SLA: variants seen among roughly 807,000 people sequenced by gnomAD.
SLA encodes the protein Src like adaptor.
A neutral mutation model predicts 30.3 loss-of-function variants in SLA; 16 were observed. The observed-to-expected ratio is 0.53, with a 90% CI of 0.36 to 0.80. The LOEUF (loss-of-function observed/expected upper bound fraction) is 0.80. Among genes scored for constraint, SLA ranks in the 30% least tolerant of loss-of-function variants. The pLI is 0.01. For missense variants in SLA, 310 were observed against 345.2 expected (o/e 0.90, Z 0.81); for synonymous variants, 143 against 137.8 (o/e 1.04, Z -0.26).
In SLA at chr8:133,038,725, G is replaced by A. The variant is rs1837558731; in HGVS notation, c.630C>T (p.Asp210=). Residue 210 remains aspartate (D), a synonymous_variant, in exon 9 of 9, where the codon GAC becomes GAT. Coordinates refer to ENST00000338087, the MANE Select transcript of SLA (RefSeq NM_001045556.3). The part of the protein sequence containing the change: ...DWRRVSRLQE[D]PEGTENPLGV... ...CAAGCGGGTTCTCTGTTCCCTCGGG[G>A]TCCTCCTGCAGTCTGTGGGCCAGAA... 2 of 1,613,556 alleles carry A rather than the reference G, an allele frequency of 1.2e-6. No individual in the cohort carries two copies. The highest frequency in any genetic ancestry group is 1.7e-6 in the Non-Finnish European group (2 of 1,179,608).
chr8:133,065,768 T>TAATAAAATAAAATAAAATAAAATAA (rs60174705), intron 2 of SLA, among the ~76,000 whole-genome samples: 5 of 150,692 alleles, frequency 3.3e-5, no homozygotes, highest in African/African-American at 1.2e-4. Context: ...GTCTCAAAAA[T>TAATAAAATAAAATAAAATAAAATAA]AATAAAATAA....
At chr8:133,063,226 C>T (rs926276045) in intron 2 of SLA, among the ~76,000 whole-genome samples, 7 of 152,034 alleles carry the variant, frequency 4.6e-5, no homozygotes, top group African/African-American at 1.4e-4. Context: ...CCCAGAACCC[C>T]GCCCCCATAA....
intron 2 of SLA, among the ~76,000 whole-genome samples, chr8:133,069,812 C>G (rs1843681266): frequency 6.6e-6 from 1 of 151,686 alleles, no homozygotes; most frequent in African/African-American, 2.4e-5. Flanking sequence ...ACCAGCCCGG[C>G]CAACATGGCA....
In SLA at chr8:133,074,876, T is replaced by C. The variant is rs1450950222; in HGVS notation, c.-64A>G. 4.1e-6 allele frequency: 4 copies of C among 985,456 alleles called. No individual in the cohort carries two copies. Among genetic ancestry groups the C allele is most frequent in the Non-Finnish European group, 3.6e-6 (3 of 830,010 alleles). The allele number at this position is 985,456 out of a possible 1,614,324, so 61.0% of individuals were successfully genotyped here. On this transcript the variant is annotated 5_prime_UTR_variant, in exon 2 of 9. Transcript: ENST00000338087. Reference sequence around the variant, plus strand: ...ACCTTCACACACTGGGCATGACTCCTGTGGGAGCTGTCTGCAGAGGGATTG... The same window carrying C: ...ACCTTCACACACTGGGCATGACTCCCGTGGGAGCTGTCTGCAGAGGGATTG...
At chr8:133,079,197 C>T (rs1319858030) in intron 1 of SLA, among the ~76,000 whole-genome samples, 1 of 152,184 alleles carries the variant, frequency 6.6e-6, no homozygotes, top group Non-Finnish European at 1.5e-5. Context: ...ATGACACTGT[C>T]AGGAGGTCAG....
intron 2 of SLA, among the ~76,000 whole-genome samples, chr8:133,074,193 T>G: frequency 6.6e-6 from 1 of 152,218 alleles, no homozygotes; most frequent in East Asian, 1.9e-4. Flanking sequence ...TTGCCTTTCC[T>G]TTGATTCCTC....
rs556374374 is a variant in SLA at position 133,068,986 on chromosome 8, A to G, written c.-41+5867T>C. Among the ~76,000 whole-genome samples, 5 of 152,380 alleles carry G rather than the reference A, an allele frequency of 3.3e-5. No individual in the cohort carries two copies. The East Asian group carries it at 9.6e-4, about 29-fold the overall frequency. ...TCATATAAGCAGGCTGGCCTAGCAA[A>G]CATTGGCAATGAAGAAAGAGTGGTA... On this transcript the variant is annotated intron_variant, in intron 2 of 8. Coordinates refer to ENST00000338087, the MANE Select transcript of SLA (RefSeq NM_001045556.3).
At chr8:133,050,404 T>G in intron 4 of SLA, 1 of 263,888 alleles carries the variant, frequency 3.8e-6, no homozygotes, top group Non-Finnish European at 7.3e-6. Flanking sequence ...ATAGCCCATA[T>G]TGAATCAGAC....
In SLA at chr8:133,039,970, CACACACACAT is replaced by C. The variant is rs771817597; in HGVS notation, c.617+18_617+27del. On this transcript the variant is annotated intron_variant, in intron 8 of 8. Transcript: ENST00000338087. ...ACTTGCATGCACACACACACACACA[CACACACACAT>C]ACACACACCATACTCACCTGGACAC... The C allele has an allele frequency of 4.1e-4, 610 of 1,494,878 alleles. 1 individual carries two copies. The highest frequency in any genetic ancestry group is 1.6e-3 in the East Asian group (58 of 37,104). The allele number at this position is 1,494,878 out of a possible 1,614,324, so 92.6% of individuals were successfully genotyped here. A position where few individuals can be genotyped will look rare whatever the true frequency, so the allele number is the denominator to read the frequency against.
At chr8:133,077,510 T>C (rs1165521624) in intron 1 of SLA, among the ~76,000 whole-genome samples, 1 of 152,102 alleles carries the variant, frequency 6.6e-6, no homozygotes, top group Non-Finnish European at 1.5e-5. Context: ...TTTGAGAAAG[T>C]GTTCCTCATA....
At chr8:133,078,789 C>T (rs757621299) in intron 1 of SLA, among the ~76,000 whole-genome samples, 10 of 152,130 alleles carry the variant, frequency 6.6e-5, no homozygotes, top group East Asian at 1.9e-4. Flanking sequence ...TTGTAAATTT[C>T]GTGTATGTAT....
At chr8:133,071,594 C>A (rs12545138) in intron 2 of SLA, among the ~76,000 whole-genome samples, 29,316 of 151,854 alleles carry the variant, frequency 0.19, 3,127 homozygotes, top group Non-Finnish European at 0.24. Flanking sequence ...CAGAGGATGC[C>A]TATTTTGAGC....
At chr8:133,095,321 A>G (rs1848240946) in intron 1 of SLA, 1 of 1,436,718 alleles carries the variant, frequency 7.0e-7, no homozygotes. Flanking sequence ...CATGAGGCTG[A>G]TGACCAACTG....
At chr8:133,093,143 T>TCTTTTCTTTTCTTTTCTTTTCTTTTC (rs55977841) in intron 1 of SLA, among the ~76,000 whole-genome samples, 5 of 93,940 alleles carry the variant, frequency 5.3e-5, no homozygotes, top group African/African-American at 1.6e-4. Context: ...TCTTTTCTTT[T>TCTTTTCTTTTCTTTTCTTTTCTTTTC]TTTTTTTTAA....
Position 133,074,899 on chromosome 8 carries a change from T to C in SLA, c.-87A>G, listed in dbSNP as rs777130083. ...CCTGTGGGAGCTGTCTGCAGAGGGATTGCTGGGTGCAGAGTCACTGCCTCT... is the reference window on the plus strand; with the variant it reads ...CCTGTGGGAGCTGTCTGCAGAGGGACTGCTGGGTGCAGAGTCACTGCCTCT... On this transcript the variant is annotated 5_prime_UTR_variant, in exon 2 of 9. Transcript: ENST00000338087. 40 of 985,380 alleles carry C rather than the reference T, an allele frequency of 4.1e-5. No homozygotes were observed. The highest frequency in any genetic ancestry group is 4.7e-5 in the South Asian group (1 of 21,296). 61.0% of individuals were successfully genotyped at this position (985,380 alleles called of 1,614,324 possible). A position where few individuals can be genotyped will look rare whatever the true frequency, so the allele number is the denominator to read the frequency against.
At chr8:133,101,011 G>T (rs1849168292) in intron 1 of SLA, among the ~76,000 whole-genome samples, 2 of 152,018 alleles carry the variant, frequency 1.3e-5, no homozygotes, top group Admixed American at 1.3e-4. Flanking sequence ...GGTGTCTCTA[G>T]GTCAGCTAAC....
intron 6 of SLA, chr8:133,047,409 A>G: frequency 5.3e-6 from 1 of 187,646 alleles, no homozygotes; most frequent in East Asian, 1.7e-4. Context: ...ACACCCTTAC[A>G]AGGGAGAGGT....
intron 1 of SLA, among the ~76,000 whole-genome samples, chr8:133,078,678 G>A (rs1283241235): frequency 6.6e-6 from 1 of 152,188 alleles, no homozygotes; most frequent in Non-Finnish European, 1.5e-5. Flanking sequence ...CTACCCTCAA[G>A]GAGTTCAAAG....
At chr8:133,096,428 G>C (rs1217089801) in intron 1 of SLA, 5 of 1,600,154 alleles carry the variant, frequency 3.1e-6, no homozygotes, top group Non-Finnish European at 4.3e-6. Context: ...TAAGGGCTCT[G>C]GACCTCAATG....
Sources: allele counts gnomAD v4.1 joint callset (sites outside exome capture counted in the v4.1 genomes callset), GRCh38; gene constraint gnomAD v4.1.1; transcripts MANE v1.5; gene names NCBI Gene and HGNC (gene_info 2026-07-23, HGNC 2026-07-21).